TNFRSF8: variants seen among roughly 807,000 people sequenced by gnomAD.
TNFRSF8 encodes the protein TNF receptor superfamily member 8, also known as tumor necrosis factor receptor superfamily member 8.
In TNFRSF8, 26 loss-of-function variants were observed where a neutral mutation model predicts 70.8. The ratio of observed to expected loss-of-function variants is 0.37; its 90% CI spans 0.27 to 0.51. The LOEUF is 0.51. Among genes scored for constraint, TNFRSF8 ranks in the 20% least tolerant of loss-of-function variants. TNFRSF8 has a pLI of 0.94. For missense variants in TNFRSF8, 720 were observed against 807.9 expected, an observed-to-expected ratio of 0.89 and a Z score of 1.32; for synonymous variants, 356 against 339.2, an observed-to-expected ratio of 1.05 and a Z score of -0.54.
intron 14 of TNFRSF8, among the ~76,000 whole-genome samples, chr1:12,140,238 C>T (rs1013263834): frequency 6.6e-5 from 10 of 152,282 alleles, no homozygotes; most frequent in East Asian, 1.9e-4. Flanking sequence ...GGGCCACCTC[C>T]GCCATGGTGG....
intron 1 of TNFRSF8, among the ~76,000 whole-genome samples, chr1:12,073,837 C>T (rs1640891455): frequency 1.3e-5 from 2 of 152,056 alleles, no homozygotes; most frequent in African/African-American, 4.8e-5. Context: ...CTCAAATAAT[C>T]TGCCTGCCTC....
intron 1 of TNFRSF8, among the ~76,000 whole-genome samples, chr1:12,074,279 T>C (rs1184877169): frequency 1.3e-5 from 2 of 151,022 alleles, no homozygotes; most frequent in Admixed American, 6.6e-5. Context: ...TCACCTTCTT[T>C]CTTTCTTTTT....
intron 3 of TNFRSF8, 52 bp downstream of exon 3, chr1:12,097,269 C>T (rs780539247): frequency 1.4e-5 from 19 of 1,371,590 alleles, no homozygotes; most frequent in Non-Finnish European, 1.9e-5. Flanking sequence ...CATGAGGGGT[C>T]CTCAGAGGAG....
At chr1:12,069,895 C>T (rs1003675699) in intron 1 of TNFRSF8, among the ~76,000 whole-genome samples, 2 of 152,048 alleles carry the variant, frequency 1.3e-5, no homozygotes, top group Non-Finnish European at 2.9e-5. Context: ...AACATACACA[C>T]GGAATGAAAA....
Position 12,063,697 on chromosome 1 carries a change from G to C in TNFRSF8, c.63+36G>C, listed in dbSNP as rs1282403945. On this transcript the variant is annotated intron_variant, in intron 1 of 14. Coordinates refer to ENST00000263932, the MANE Select transcript of TNFRSF8 (RefSeq NM_001243.5). This position sits in a 1 kb window ranked among gnomAD's most constrained non-coding sequence, Gnocchi z 7.2. ...GACGGGCGCCTGGGGAGGTGCCGGCGGTCCAGAGCCCGGACAGTGTGGGGT... is the reference window on the plus strand; with the variant it reads ...GACGGGCGCCTGGGGAGGTGCCGGCCGTCCAGAGCCCGGACAGTGTGGGGT... The C allele has an allele frequency of 7.9e-7, 1 of 1,265,520 alleles. No homozygotes were observed. Among genetic ancestry groups the C allele is most frequent in the Non-Finnish European group, 1.0e-6 (1 of 996,622 alleles). 78.4% of individuals were successfully genotyped at this position (1,265,520 alleles called of 1,614,324 possible). A position where few individuals can be genotyped will look rare whatever the true frequency, so the allele number is the denominator to read the frequency against.
In TNFRSF8 at chr1:12,142,261, C is replaced by T. The variant is rs751797620; in HGVS notation, c.1544-26C>T. On this transcript the variant is annotated intron_variant, in intron 14 of 14. Transcript: ENST00000263932. The surrounding 1 kb of genome is among the most constrained non-coding windows in gnomAD (Gnocchi z 5.0). ...TCCTGGCTGGTGCTCTGGCCTCCCT[C>T]GCTCACCCATCCTTTTGCCTTGCAG... 8 of 1,549,328 alleles carry T rather than the reference C, an allele frequency of 5.2e-6. No individual in the cohort carries two copies. Among genetic ancestry groups the T allele is most frequent in the South Asian group, 4.8e-5 (4 of 82,584 alleles).
rs762745101 is a variant in TNFRSF8, at chr1:12,109,971, T to C, written c.513-70T>C. The C allele has an allele frequency of 1.3e-6, 2 of 1,548,266 alleles. No homozygotes were observed. Among genetic ancestry groups the C allele is most frequent in the Non-Finnish European group, 1.8e-6 (2 of 1,141,154 alleles). ...GGGACCCCATCTCTGTGGAAACTGT[T>C]ACTCGTGAGCACAGGCCTCCCTTGC... On this transcript the variant is annotated intron_variant, in intron 5 of 14. Transcript: ENST00000263932. This position sits in a 1 kb window ranked among gnomAD's most constrained non-coding sequence, Gnocchi z 4.4.
Position 12,069,717 on chromosome 1 carries a change from C to T in TNFRSF8, c.63+6056C>T, listed in dbSNP as rs143994453. ...ATGCCAGGAAGCACTCCGGGTGCTG[C>T]GAGTTCATCCATGCACCGCATAGCA... On this transcript the variant is annotated intron_variant, in intron 1 of 14. Coordinates refer to ENST00000263932, the MANE Select transcript of TNFRSF8 (RefSeq NM_001243.5). 4.2e-3 allele frequency among the ~76,000 whole-genome samples: 642 copies of T among 152,304 alleles called. 8 individuals carry two copies. Among genetic ancestry groups the T allele is most frequent in the African/African-American group, 0.014 (601 of 41,558 alleles).
rs139242792 is a variant in TNFRSF8 at position 12,080,239 on chromosome 1, G to A, written c.64-4225G>A. On this transcript the variant is annotated intron_variant, in intron 1 of 14. Coordinates refer to ENST00000263932, the MANE Select transcript of TNFRSF8 (RefSeq NM_001243.5). ...GCTGAGATTACAGGCATGAGCCACC[G>A]TGCCCAGCCAAGATGATCCCAGTTT... 2,568 of 517,072 alleles carry A rather than the reference G, an allele frequency of 5.0e-3. 51 individuals are homozygous for A. The highest frequency in any genetic ancestry group is 0.045 in the African/African-American group (2,315 of 51,946). 32.0% of individuals were successfully genotyped at this position (517,072 alleles called of 1,614,324 possible). A position where few individuals can be genotyped will look rare whatever the true frequency, so the allele number is the denominator to read the frequency against.
At chr1:12,120,476 G>A (rs965086301) in intron 8 of TNFRSF8, among the ~76,000 whole-genome samples, 13 of 152,088 alleles carry the variant, frequency 8.5e-5, no homozygotes, top group East Asian at 3.9e-4. Context: ...GAAAACTCCC[G>A]GGAAAAGAAA....
rs11569876 is a variant in TNFRSF8, at chr1:12,110,539, G to T, written c.676+335G>T. 6.6e-6 allele frequency among the ~76,000 whole-genome samples: 1 copy of T among 152,192 alleles called. No homozygotes were observed. The highest frequency in any genetic ancestry group is 1.9e-4 in the East Asian group (1 of 5,198). On this transcript the variant is annotated intron_variant, in intron 6 of 14. Transcript: ENST00000263932. The surrounding 1 kb of genome is among the most constrained non-coding windows in gnomAD (Gnocchi z 4.0). ...CTTGCGACTCAGCTGGCCAGCCTCT[G>T]CACGTGTCCATCTGATGCCCTCCTG... is the stretch of plus-strand genomic sequence containing the variant.
At chr1:12,129,974 G>A (rs1236089403) in intron 12 of TNFRSF8, among the ~76,000 whole-genome samples, 5 of 151,572 alleles carry the variant, frequency 3.3e-5, no homozygotes, top group East Asian at 1.9e-4. Context: ...GTGTGATCTC[G>A]GCTTACTGCA....
At chr1:12,064,391 A>G (rs1640701813) in intron 1 of TNFRSF8, among the ~76,000 whole-genome samples, 1 of 152,138 alleles carries the variant, frequency 6.6e-6, no homozygotes, top group Non-Finnish European at 1.5e-5. Context: ...CTGTGGGGAG[A>G]ATGCAAAGTA....
Position 12,125,947 on chromosome 1 carries a change from C to T in TNFRSF8, c.1154-4C>T. ...AAAGAGTGTGGGGCGTCTCTGTGTTCCAGGGCCAGTGCTCTTCTGGGTGAT... is the reference window on the plus strand; with the variant it reads ...AAAGAGTGTGGGGCGTCTCTGTGTTTCAGGGCCAGTGCTCTTCTGGGTGAT... On this transcript the variant is annotated splice_region_variant and splice_polypyrimidine_tract_variant and intron_variant, in intron 10 of 14. Transcript: ENST00000263932. 6.2e-7 allele frequency: 1 copy of T among 1,613,600 alleles called. No individual in the cohort carries two copies. The highest frequency in any genetic ancestry group is 1.1e-5 in the South Asian group (1 of 91,066).
chr1:12,097,228 T>TGTTCTCTCTCCAGGGCCTC lies in TNFRSF8; in HGVS notation c.268+12_268+30dup, dbSNP rs770909912. 11 of 1,608,856 alleles carry TGTTCTCTCTCCAGGGCCTC rather than the reference T, an allele frequency of 6.8e-6. No homozygotes were observed. Among genetic ancestry groups the TGTTCTCTCTCCAGGGCCTC allele is most frequent in the Non-Finnish European group, 9.4e-6 (11 of 1,175,432 alleles). On this transcript the variant is annotated intron_variant, in intron 3 of 14. Coordinates refer to ENST00000263932, the MANE Select transcript of TNFRSF8 (RefSeq NM_001243.5). ...TGACTTGTTCTCGAGGTAAGGGCCT[T>TGTTCTCTCTCCAGGGCCTC]GTTCTCTCTCCAGGGCCTCCTTCTA...
intron 12 of TNFRSF8, among the ~76,000 whole-genome samples, chr1:12,128,677 A>T (rs1157569239): frequency 1.3e-5 from 2 of 152,112 alleles, no homozygotes; most frequent in Non-Finnish European, 2.9e-5. Context: ...TTGGGAATGG[A>T]TGGTTCTTTG....
At position 12,136,870 on chromosome 1, in the gene TNFRSF8, CTTTTTTTTTT is replaced by C. The variant is rs201470263; in HGVS notation, c.1335+1273_1335+1282del. ...TTTCCACTTTGAAAAATACTCAGTT[CTTTTTTTTTT>C]TTTTTTTTTTTTTTTAATTTTTTTA... On this transcript the variant is annotated intron_variant, in intron 13 of 14. Coordinates refer to ENST00000263932, the MANE Select transcript of TNFRSF8 (RefSeq NM_001243.5). 1.3e-4 allele frequency among the ~76,000 whole-genome samples: 16 copies of C among 118,720 alleles called. No homozygotes were observed. The East Asian group carries it at 1.6e-3, about 12-fold the overall frequency. 77.9% of individuals were successfully genotyped at this position (118,720 alleles called of 152,430 possible).
In TNFRSF8 at chr1:12,063,854, TG is replaced by T. The variant is rs1640690754; in HGVS notation, c.63+199del. Among the ~76,000 whole-genome samples the T allele has an allele frequency of 6.6e-6, 1 of 151,950 alleles. No homozygotes were observed. Among genetic ancestry groups the T allele is most frequent in the South Asian group, 2.1e-4 (1 of 4,818 alleles). ...GGGAGGCTGGCTGAAGGGCTAGTGGTGGGGGGCGCCTCCTTCTCACCCCGCG... is the reference window on the plus strand; with the variant it reads ...GGGAGGCTGGCTGAAGGGCTAGTGGTGGGGGCGCCTCCTTCTCACCCCGCG... On this transcript the variant is annotated intron_variant, in intron 1 of 14. Coordinates refer to ENST00000263932, the MANE Select transcript of TNFRSF8 (RefSeq NM_001243.5). This position sits in a 1 kb window ranked among gnomAD's most constrained non-coding sequence, Gnocchi z 7.2.
chr1:12,104,250 C>T, intron 3 of TNFRSF8, 129 bp from the exon 4 acceptor site: 7 of 928,172 alleles, frequency 7.5e-6, no homozygotes, highest in South Asian at 4.5e-5. Flanking sequence ...TAGTGGTCAC[C>T]AGGGGGTTGA....
Sources: allele counts gnomAD v4.1 joint callset (sites outside exome capture counted in the v4.1 genomes callset), GRCh38; gene constraint gnomAD v4.1.1; non-coding constraint Gnocchi (gnomAD v3.1); transcripts MANE v1.5; gene names NCBI Gene and HGNC (gene_info 2026-07-23, HGNC 2026-07-21).